Variants in STK3 observed in about 807,000 individuals in gnomAD.
STK3 encodes serine/threonine kinase 3, also known as serine/threonine-protein kinase 3.
A neutral mutation model predicts 58.0 loss-of-function variants in STK3; 41 were observed. The observed-to-expected ratio is 0.71, with a 90% CI of 0.55 to 0.92. The LOEUF (loss-of-function observed/expected upper bound fraction) is 0.92. Ranked by LOEUF, STK3 falls within the 40% of genes least tolerant of loss-of-function variation. STK3 has a pLI of 0.00. For missense variants in STK3, 479 were observed against 602.7 expected, an observed-to-expected ratio of 0.79 and a Z score of 2.15; for synonymous variants, 170 against 191.0, an observed-to-expected ratio of 0.89 and a Z score of 0.91.
the STK3 span, among the ~76,000 whole-genome samples, chr8:98,349,155 G>A: frequency 6.6e-6 from 1 of 152,318 alleles, no homozygotes; most frequent in Non-Finnish European, 1.5e-5. Flanking sequence ...TGTCTGAAAG[G>A]CTGCATACTT....
At chr8:98,472,625 G>A (rs573490944) in intron 10 of STK3, among the ~76,000 whole-genome samples, 93 of 152,104 alleles carry the variant, frequency 6.1e-4, no homozygotes, top group Admixed American at 1.8e-3. Flanking sequence ...ACAATGATAA[G>A]TCATTTCCTT....
At chr8:98,598,131 T>C in intron 6 of STK3, 1 of 985,432 alleles carries the variant, frequency 1.0e-6, no homozygotes, top group South Asian at 4.7e-5. Context: ...CTAGATTGTC[T>C]AGATAAATAT....
In STK3 at chr8:98,798,865, G is replaced by A. The variant is rs545606932; in HGVS notation, c.27-24046C>T. Among the ~76,000 whole-genome samples the A allele has an allele frequency of 1.2e-4, 18 of 152,304 alleles. No individual in the cohort carries two copies. In the East Asian group the frequency reaches 3.3e-3, roughly 28 times the overall value. ...CATGAGGGCTCCTCACCTCGTGAAT[G>A]GGATTAAGACCCTAATGAAAGAGAT... On this transcript the variant is annotated intron_variant, in intron 1 of 10. Transcript: ENST00000419617.
At chr8:98,661,527 G>A (rs72666673) in intron 6 of STK3, among the ~76,000 whole-genome samples, 4,982 of 151,994 alleles carry the variant, frequency 0.033, 107 homozygotes, top group South Asian at 0.06. Context: ...ACTTTAATCT[G>A]TTTCCTATAC....
chr8:98,404,378 A>C (rs1413340920), intron 3 of STK3, among the ~76,000 whole-genome samples: 1 of 152,060 alleles, frequency 6.6e-6, no homozygotes, highest in Non-Finnish European at 1.5e-5. Context: ...GTCTACAAAC[A>C]ATCAAAAATT....
chr8:98,711,546 C>G (rs1248872064), intron 4 of STK3, among the ~76,000 whole-genome samples: 1 of 151,760 alleles, frequency 6.6e-6, no homozygotes, highest in African/African-American at 2.4e-5. Flanking sequence ...GATGGAAGAT[C>G]AAATGAATGA....
chr8:98,800,573 C>T lies in STK3; in HGVS notation c.26+24942G>A, dbSNP rs972969483. 1.3e-5 allele frequency among the ~76,000 whole-genome samples: 2 copies of T among 152,184 alleles called. No individual in the cohort carries two copies. The highest frequency in any genetic ancestry group is 2.4e-5 in the African/African-American group (1 of 41,462). Reference sequence around the variant, plus strand: ...GGCCGGAGCCGGCTCCCTCTGCTTGCGGGAAGGTGTGGAGGGAGAAGCGTG... The same window carrying T: ...GGCCGGAGCCGGCTCCCTCTGCTTGTGGGAAGGTGTGGAGGGAGAAGCGTG... On this transcript the variant is annotated intron_variant, in intron 1 of 10. Coordinates refer to ENST00000419617, the MANE Select transcript of STK3 (RefSeq NM_006281.4). The surrounding 1 kb of genome is among the most constrained non-coding windows in gnomAD (Gnocchi z 4.8).
intron 3 of STK3, among the ~76,000 whole-genome samples, chr8:98,845,522 G>C (rs1836168454): frequency 6.6e-6 from 1 of 152,120 alleles, no homozygotes. Context: ...TATGGTATTT[G>C]GTGTTACTCA....
chr8:98,649,081 T>G (rs952102371), intron 6 of STK3, among the ~76,000 whole-genome samples: 6 of 152,066 alleles, frequency 3.9e-5, no homozygotes, highest in Non-Finnish European at 5.9e-5. Context: ...AAACTCAATG[T>G]TACTTTAATC....
At chr8:98,501,351 G>C (rs1823579677) in intron 10 of STK3, among the ~76,000 whole-genome samples, 1 of 152,000 alleles carries the variant, frequency 6.6e-6, no homozygotes, top group African/African-American at 2.4e-5. Flanking sequence ...CCACTCTGTA[G>C]ATTGCCTGTT....
chr8:98,483,104 A>G (rs920680196), intron 10 of STK3, among the ~76,000 whole-genome samples: 3 of 152,204 alleles, frequency 2.0e-5, no homozygotes, highest in African/African-American at 7.2e-5. Context: ...ACCATGACCT[A>G]TGTATTTCAT....
At chr8:98,517,752 A>G (rs1482176177) in intron 10 of STK3, among the ~76,000 whole-genome samples, 1 of 152,090 alleles carries the variant, frequency 6.6e-6, no homozygotes, top group Non-Finnish European at 1.5e-5. Context: ...TTATTTCAAA[A>G]GGTAAACACT....
intron 1 of STK3, among the ~76,000 whole-genome samples, chr8:98,914,231 C>T (rs1839256470): frequency 1.3e-5 from 2 of 151,894 alleles, no homozygotes. Flanking sequence ...CAGGCAGATC[C>T]CTTGAGGAGT....
upstream of STK3, among the ~76,000 whole-genome samples, chr8:98,390,799 C>T (rs918423948): frequency 1.3e-5 from 2 of 151,968 alleles, no homozygotes; most frequent in African/African-American, 4.8e-5. Flanking sequence ...TGACTCTTTC[C>T]TCTGTCACTC....
chr8:98,816,764 C>T (rs1834572959), intron 1 of STK3, among the ~76,000 whole-genome samples: 1 of 152,072 alleles, frequency 6.6e-6, no homozygotes, highest in Non-Finnish European at 1.5e-5. Context: ...GATCTCCTGA[C>T]CTCAGGTGAT....
At chr8:98,828,088 C>T (rs2131774253), upstream of STK3, among the ~76,000 whole-genome samples, 1 of 151,906 alleles carries the variant, frequency 6.6e-6, no homozygotes, top group South Asian at 2.1e-4. Context: ...GATTATCCTG[C>T]CTCAGCCTCC....
chr8:98,610,614 C>T (rs761066650), intron 6 of STK3, among the ~76,000 whole-genome samples: 20 of 152,178 alleles, frequency 1.3e-4, no homozygotes, highest in Non-Finnish European at 2.5e-4. Context: ...TAGCCTGGTG[C>T]AGTCTGTCCT....
chr8:98,451,902 A>AC (rs1016337471), downstream of STK3, among the ~76,000 whole-genome samples: 1 of 151,330 alleles, frequency 6.6e-6, no homozygotes, highest in Non-Finnish European at 1.5e-5. Flanking sequence ...AAAAAAACAA[A>AC]AAAAAAAACC....
At chr8:98,722,867 A>G (rs765847310) in intron 4 of STK3, 1 of 505,466 alleles carries the variant, frequency 2.0e-6, no homozygotes. Context: ...TCTGCTTCAT[A>G]TAGAAGAAGG....
Sources: allele counts gnomAD v4.1 joint callset (sites outside exome capture counted in the v4.1 genomes callset), GRCh38; gene constraint gnomAD v4.1.1; non-coding constraint Gnocchi (gnomAD v3.1); transcripts MANE v1.5; gene names NCBI Gene and HGNC (gene_info 2026-07-23, HGNC 2026-07-21).